The following ZNF536 variants were observed in gnomAD, a reference collection of about 807,000 sequenced individuals.
ZNF536 encodes zinc finger protein 536.
ZNF536 carries 13 observed loss-of-function variants against 84.5 expected under a neutral mutation model. The observed-to-expected ratio is 0.15, with a 90% CI of 0.10 to 0.24. The LOEUF (loss-of-function observed/expected upper bound fraction) is 0.24, where lower values mean the gene tolerates loss of function less well. ZNF536 is among the 10% of genes least tolerant of loss of function. The pLI is 1.00. For synonymous variants in ZNF536, 811 were observed against 742.5 expected, an observed-to-expected ratio of 1.09 and a Z score of -1.50; for missense variants, 1,536 against 1,747.5, an observed-to-expected ratio of 0.88 and a Z score of 2.16.
intron 1 of ZNF536, among the ~76,000 whole-genome samples, chr19:30,277,343 T>G (rs1471761393): frequency 6.6e-6 from 1 of 152,158 alleles, no homozygotes; most frequent in Non-Finnish European, 1.5e-5. Context: ...GGCGAGCTGA[T>G]GAGAGGAAGC....
chr19:30,326,613 G>A (rs1446474139), intron 2 of ZNF536, among the ~76,000 whole-genome samples: 6 of 151,924 alleles, frequency 3.9e-5, no homozygotes, highest in South Asian at 2.1e-4. Flanking sequence ...AAATGAAAAC[G>A]TATGTGAAGC....
At position 30,548,493 on chromosome 19, in the gene ZNF536, A is replaced by T. The variant is rs1369165588; in HGVS notation, c.2874A>T (p.Lys958Asn). The change falls in exon 4 of 5, where the codon AAA (lysine) becomes AAT (asparagine). Residue 958 changes from lysine (K) to asparagine (N), a missense_variant. Lys to Asn is a moderately conservative substitution (Grantham distance 94). Coordinates refer to ENST00000355537, the MANE Select transcript of ZNF536 (RefSeq NM_014717.3). ...KVHGVDGGEE[K>N]PSGKSSQRKS... ...ACGGAGTGGATGGTGGTGAGGAGAA[A>T]CCCAGTGGCAAGTCCTCCCAGAGGA... The T allele has an allele frequency of 6.2e-7, 1 of 1,613,964 alleles. No homozygotes were observed. The highest frequency in any genetic ancestry group is 8.5e-7 in the Non-Finnish European group (1 of 1,180,030).
At chr19:30,698,255 G>T (rs2051745774) in intron 1 of ZNF536, among the ~76,000 whole-genome samples, 1 of 150,824 alleles carries the variant, frequency 6.6e-6, no homozygotes, top group Non-Finnish European at 1.5e-5. Flanking sequence ...CTGCGCCACT[G>T]TACTCCAGCC....
intron 1 of ZNF536, among the ~76,000 whole-genome samples, chr19:30,282,423 C>T (rs904053997): frequency 1.1e-4 from 16 of 152,302 alleles, no homozygotes; most frequent in Middle Eastern, 3.4e-3. Context: ...CTGCAGGAGA[C>T]GGTGTTCTGA....
intron 1 of ZNF536, among the ~76,000 whole-genome samples, chr19:30,698,155 A>T (rs1227375557): frequency 6.6e-6 from 1 of 152,032 alleles, no homozygotes; most frequent in African/African-American, 2.4e-5. Flanking sequence ...AGCTGGACCC[A>T]TTGGTGCACG....
chr19:30,634,998 C>T (rs2049013720), intron 1 of ZNF536, among the ~76,000 whole-genome samples: 1 of 152,180 alleles, frequency 6.6e-6, no homozygotes, highest in Admixed American at 6.5e-5. Flanking sequence ...TATTTTAATT[C>T]TGGTTACTGT....
At chr19:30,531,506 G>A (rs1187168801) in intron 2 of ZNF536, among the ~76,000 whole-genome samples, 3 of 151,684 alleles carry the variant, frequency 2.0e-5, no homozygotes, top group Admixed American at 6.6e-5. Flanking sequence ...AGTATATTGC[G>A]TGATGCTGAG....
intron 1 of ZNF536, among the ~76,000 whole-genome samples, chr19:30,375,419 C>T (rs2048776313): frequency 6.6e-6 from 1 of 152,104 alleles, no homozygotes; most frequent in Admixed American, 6.5e-5. Flanking sequence ...CCGCTACCTG[C>T]GCGCCTGCTG....
rs114134077 is a variant in ZNF536 at position 30,629,268 on chromosome 19, G to A, written c.169+79754G>A. On this transcript the variant is annotated intron_variant, in intron 1 of 1. Coordinates refer to the ZNF536 transcript ENST00000592773. The stretch of plus-strand genomic sequence containing the variant: ...GGCTGGAGTGCAGTGGCATGATCAC[G>A]GCTTACTGCAGGCTCGACCTCCTCG... 1.9e-3 allele frequency among the ~76,000 whole-genome samples: 290 copies of A among 152,170 alleles called. 2 individuals are homozygous for A. Among genetic ancestry groups the A allele is most frequent in the Non-Finnish European group, 3.0e-3 (201 of 67,998 alleles).
chr19:30,458,360 G>A (rs1471015982), intron 2 of ZNF536, among the ~76,000 whole-genome samples: 1 of 151,456 alleles, frequency 6.6e-6, no homozygotes, highest in African/African-American at 2.4e-5. Flanking sequence ...TCCATGGCTT[G>A]GGGGTGATTT....
intron 1 of ZNF536, among the ~76,000 whole-genome samples, chr19:30,437,730 T>C (rs8112477): frequency 0.097 from 14,771 of 152,084 alleles, 930 homozygotes; most frequent in African/African-American, 0.16. Context: ...TGTTTCTACA[T>C]TGGGGGGATG....
At position 30,593,034 on chromosome 19, in the gene ZNF536, A is replaced by G. The variant is rs535653943; in HGVS notation, c.169+43520A>G. Among the ~76,000 whole-genome samples the G allele has an allele frequency of 5.3e-5, 8 of 152,332 alleles. No individual in the cohort carries two copies. The South Asian group carries it at 8.3e-4, about 16-fold the overall frequency. ...CCGAACCCTTCATTAGACCTGTTGT[A>G]AAAAGATCCTTTCGTGCAAACGCTG... On this transcript the variant is annotated intron_variant, in intron 1 of 1. Coordinates refer to the ZNF536 transcript ENST00000592773.
chr19:30,450,324 G>A (rs75419562), intron 2 of ZNF536, among the ~76,000 whole-genome samples: 13 of 152,224 alleles, frequency 8.5e-5, no homozygotes, highest in East Asian at 1.9e-4. Flanking sequence ...GGGGCTGGAG[G>A]GGGGGAGAGG....
intron 1 of ZNF536, among the ~76,000 whole-genome samples, chr19:30,253,945 A>G (rs1164943303): frequency 2.0e-5 from 3 of 152,146 alleles, no homozygotes. Flanking sequence ...TTCCCCTTCC[A>G]AAAGCAGAAG....
In ZNF536 at chr19:30,443,608, G is replaced by A. The variant is rs372134705; in HGVS notation, c.46G>A (p.Glu16Lys). 58 of 1,590,758 alleles carry A rather than the reference G, an allele frequency of 3.6e-5. No homozygotes were observed. Among genetic ancestry groups the A allele is most frequent in the Non-Finnish European group, 4.7e-5 (55 of 1,171,016 alleles). The change falls in exon 2 of 5, where the codon GAA becomes AAA. Residue 16 changes from glutamate to lysine, a missense_variant. Glu to Lys is a moderately conservative substitution (Grantham distance 56, BLOSUM62 1). Coordinates refer to ENST00000355537, the MANE Select transcript of ZNF536 (RefSeq NM_014717.3). ...CCTTGGAGTGTCTTCGGCGGAGCCG[G>A]AAGCTGAGCCCCACCTGAGTGGCCC... Reference protein sequence around the residue: ...LCLGVSSAEPEAEPHLSGPVL... With the variant: ...LCLGVSSAEPKAEPHLSGPVL...
At chr19:30,590,246 G>A (rs1383236403) in intron 1 of ZNF536, among the ~76,000 whole-genome samples, 1 of 152,178 alleles carries the variant, frequency 6.6e-6, no homozygotes, top group Non-Finnish European at 1.5e-5. Flanking sequence ...ATCAATGTTG[G>A]ACATGGAATT....
At chr19:30,697,335 G>T (rs1216275066) in intron 1 of ZNF536, among the ~76,000 whole-genome samples, 2 of 152,162 alleles carry the variant, frequency 1.3e-5, no homozygotes, top group African/African-American at 4.8e-5. Flanking sequence ...CAACAAATGG[G>T]AGCCCAACCC....
At chr19:30,553,283 G>T (rs1237439838) in intron 4 of ZNF536, among the ~76,000 whole-genome samples, 6 of 152,226 alleles carry the variant, frequency 3.9e-5, no homozygotes, top group Admixed American at 3.9e-4. Flanking sequence ...GCACTGTTGG[G>T]TCGGCACTTG....
chr19:30,481,145 C>G (rs1373521855), intron 2 of ZNF536, among the ~76,000 whole-genome samples: 1 of 152,028 alleles, frequency 6.6e-6, no homozygotes, highest in East Asian at 1.9e-4. Context: ...TCACTTATGT[C>G]TGAGGTTCCC....
Sources: allele counts gnomAD v4.1 joint callset (sites outside exome capture counted in the v4.1 genomes callset), GRCh38; gene constraint gnomAD v4.1.1; transcripts MANE v1.5; gene names NCBI Gene and HGNC (gene_info 2026-07-23, HGNC 2026-07-21).